NHSL1: variants seen among roughly 807,000 people sequenced by gnomAD.
NHSL1 encodes the protein NHS like 1.
NHSL1 carries 48 observed loss-of-function variants against 95.0 expected under a neutral mutation model. The ratio of observed to expected loss-of-function variants is 0.51; its 90% CI spans 0.40 to 0.64. NHSL1 has a LOEUF of 0.64. Ranked by LOEUF, NHSL1 falls within the 30% of genes least tolerant of loss-of-function variation. NHSL1 has a pLI of 0.00. For synonymous variants in NHSL1, 783 were observed against 833.9 expected (o/e 0.94, Z 1.05); for missense variants, 1,971 against 2,077.7 (o/e 0.95, Z 1.00).
At chr6:138,629,925 T>C (rs1784794838) in intron 1 of NHSL1, among the ~76,000 whole-genome samples, 3 of 152,224 alleles carry the variant, frequency 2.0e-5, no homozygotes, top group Admixed American at 1.3e-4. Flanking sequence ...TTTTTAGTAG[T>C]ACACAATTAC....
intron 1 of NHSL1, among the ~76,000 whole-genome samples, chr6:138,616,417 G>C (rs2114613694): frequency 6.6e-6 from 1 of 152,200 alleles, no homozygotes; most frequent in South Asian, 2.1e-4. Flanking sequence ...ATTTGTAGCA[G>C]GGGCAGTACA....
chr6:138,528,208 AT>A (rs1444028874), intron 1 of NHSL1, among the ~76,000 whole-genome samples: 2 of 152,190 alleles, frequency 1.3e-5, no homozygotes, highest in African/African-American at 4.8e-5. Flanking sequence ...TATTTCTTGT[AT>A]TACTTTTTAA....
chr6:138,489,865 AGAGAGAGGGAGAGAGG>A (rs1284929792), intron 2 of NHSL1, among the ~76,000 whole-genome samples: 2 of 71,662 alleles, frequency 2.8e-5, no homozygotes, highest in African/African-American at 2.0e-4. Flanking sequence ...AGAGAGAGAG[AGAGAGAGGGAGAGAGG>A]GAGAGAGGGA....
intron 1 of NHSL1, among the ~76,000 whole-genome samples, chr6:138,678,410 A>G (rs75023182): frequency 0.045 from 6,796 of 152,246 alleles, 514 homozygotes; most frequent in African/African-American, 0.15. Flanking sequence ...GATTCATAAT[A>G]GCATTGTCAC....
chr6:138,592,207 T>C (rs60780382), intron 1 of NHSL1, among the ~76,000 whole-genome samples: 4,313 of 152,232 alleles, frequency 0.028, 198 homozygotes, highest in African/African-American at 0.099. Flanking sequence ...TTCTAATAGG[T>C]CCCACACCCA....
intron 5 of NHSL1, among the ~76,000 whole-genome samples, chr6:138,440,220 C>T (rs1310104364): frequency 6.6e-6 from 1 of 152,166 alleles, no homozygotes; most frequent in Non-Finnish European, 1.5e-5. Context: ...GGAAATTACT[C>T]CATTAACTAT....
chr6:138,507,858 G>A (rs1425911993), intron 1 of NHSL1, among the ~76,000 whole-genome samples: 2 of 152,240 alleles, frequency 1.3e-5, no homozygotes, highest in East Asian at 1.9e-4. Context: ...ATCAATTATG[G>A]GGTTGGGGGA....
At chr6:138,483,997 T>C (rs1779576587) in intron 2 of NHSL1, among the ~76,000 whole-genome samples, 1 of 152,160 alleles carries the variant, frequency 6.6e-6, no homozygotes, top group Non-Finnish European at 1.5e-5. Flanking sequence ...TCCCATTAAA[T>C]GGGCCTCTTC....
At position 138,588,802 on chromosome 6, in the gene NHSL1, G is replaced by A. The variant is rs1007970208; in HGVS notation, c.97-92431C>T. 2.6e-5 allele frequency among the ~76,000 whole-genome samples: 4 copies of A among 152,208 alleles called. No individual in the cohort carries two copies. In the East Asian group the frequency reaches 5.8e-4, roughly 22 times the overall value. On this transcript the variant is annotated intron_variant, in intron 1 of 3. Transcript: ENST00000491526. Reference sequence around the variant, plus strand: ...TTAAGGGTAAATGGTTTGACTTAGAGCAGATGGCTCTATTAGAAATAAGAC... The same window carrying A: ...TTAAGGGTAAATGGTTTGACTTAGAACAGATGGCTCTATTAGAAATAAGAC...
At position 138,654,759 on chromosome 6, in the gene NHSL1, A is replaced by C. The variant is rs189300079; in HGVS notation, c.96+37717T>G. On this transcript the variant is annotated intron_variant, in intron 1 of 3. Transcript: ENST00000491526. ...CTGAAAAACAAAACAAAACAAAACA[A>C]AAAAAACACTATTCCATGTATACTG... Among the ~76,000 whole-genome samples, 10 of 152,300 alleles carry C rather than the reference A, an allele frequency of 6.6e-5. No individual in the cohort carries two copies. In the East Asian group the frequency reaches 1.9e-3, roughly 29 times the overall value.
At position 138,424,748 on chromosome 6, in the gene NHSL1, G is replaced by C. The variant is rs1339447872; in HGVS notation, c.4154C>G (p.Pro1385Arg). Residue 1385 changes from proline to arginine, a missense_variant, in exon 8 of 8, where the codon CCG (proline) becomes CGG (arginine). Coordinates refer to ENST00000343505, the MANE Select transcript of NHSL1 (RefSeq NM_001144060.2). This position sits in a 1 kb window ranked among gnomAD's most constrained non-coding sequence, Gnocchi z 5.9. ...GGCAGCGCCGGTGGGTGTCACGGGC[G>C]GGGAGGGAGAATGGTTTCGGGAGTG... ...DDHSRNHSPS[P>R]PVTPTGAAPS... 4 of 1,551,238 alleles carry C rather than the reference G, an allele frequency of 2.6e-6. No individual in the cohort carries two copies. Among genetic ancestry groups the C allele is most frequent in the Middle Eastern group, 1.7e-4 (1 of 6,002 alleles).
At chr6:138,605,383 G>C (rs1004208282) in intron 1 of NHSL1, among the ~76,000 whole-genome samples, 2 of 152,152 alleles carry the variant, frequency 1.3e-5, no homozygotes, top group Non-Finnish European at 2.9e-5. Flanking sequence ...GCGCCAACAG[G>C]CCTGGCTAAT....
At chr6:138,466,048 G>GGT (rs1011527658) in intron 3 of NHSL1, among the ~76,000 whole-genome samples, 2 of 139,346 alleles carry the variant, frequency 1.4e-5, no homozygotes, top group East Asian at 2.3e-4. Flanking sequence ...TTTTGGGGGG[G>GGT]GGGCAGGGGG....
At chr6:138,530,172 T>A (rs1187140848) in intron 1 of NHSL1, among the ~76,000 whole-genome samples, 2 of 152,110 alleles carry the variant, frequency 1.3e-5, no homozygotes, top group African/African-American at 4.8e-5. Context: ...GGAGACCCCA[T>A]GAATGGAATT....
chr6:138,558,180 T>C (rs1204605869), intron 1 of NHSL1, among the ~76,000 whole-genome samples: 2 of 152,084 alleles, frequency 1.3e-5, no homozygotes, highest in African/African-American at 4.8e-5. Context: ...TGGAGTGCAG[T>C]GGTGCGGACT....
intron 1 of NHSL1, among the ~76,000 whole-genome samples, chr6:138,557,475 T>G (rs1478912650): frequency 6.6e-6 from 1 of 151,964 alleles, no homozygotes; most frequent in Non-Finnish European, 1.5e-5. Flanking sequence ...CAGAGACAGG[T>G]GCAAGTACAC....
rs1775106290 is a variant in NHSL1 at position 138,424,275 on chromosome 6, C to T, written c.4627G>A (p.Ala1543Thr). 2 of 1,499,456 alleles carry T rather than the reference C, an allele frequency of 1.3e-6. No homozygotes were observed. The highest frequency in any genetic ancestry group is 1.8e-6 in the Non-Finnish European group (2 of 1,122,048). The allele number at this position is 1,499,456 out of a possible 1,614,324, so 92.9% of individuals were successfully genotyped here. Reference protein sequence around the residue: ...VEPVDSIARGALGAAEGCSLD... With the variant: ...VEPVDSIARGTLGAAEGCSLD... ...GAACATCCCTCCGCAGCGCCCAGAG[C>T]CCCGCGGGCTATGCTGTCCACAGGC... Residue 1543 changes from alanine to threonine, a missense_variant, in exon 8 of 8, where the codon GCT becomes ACT. Coordinates refer to ENST00000343505, the MANE Select transcript of NHSL1 (RefSeq NM_001144060.2). This position sits in a 1 kb window ranked among gnomAD's most constrained non-coding sequence, Gnocchi z 5.9.
chr6:138,547,631 C>T (rs9495122), upstream of NHSL1, among the ~76,000 whole-genome samples: 13,660 of 152,242 alleles, frequency 0.09, 2,013 homozygotes, highest in African/African-American at 0.31. Context: ...GATCCACCCG[C>T]CTCGGCCTCC....
Position 138,432,289 on chromosome 6 carries a change from T to G in NHSL1, c.2056A>C (p.Lys686Gln). Residue 686 changes from lysine (K) to glutamine (Q), a missense_variant, in exon 6 of 8, where the codon AAG (lysine) becomes CAG (glutamine). By Grantham distance (53) the Lys-to-Gln change is moderately conservative (BLOSUM62 1). Coordinates refer to ENST00000343505, the MANE Select transcript of NHSL1 (RefSeq NM_001144060.2). The surrounding 1 kb of genome is among the most constrained non-coding windows in gnomAD (Gnocchi z 4.4). ...TGCCCGTTGCACTGGCTGCTCTTCT[T>G]GGGAATCCTGCGGAGGGAGTCTGTC... is the stretch of plus-strand genomic sequence containing the variant. Reference protein sequence around the residue: ...SRTDSLRRIPKKSSQCNGQVL... With the variant: ...SRTDSLRRIPQKSSQCNGQVL... 1 of 1,551,334 alleles carries G rather than the reference T, an allele frequency of 6.4e-7. No individual in the cohort carries two copies. The highest frequency in any genetic ancestry group is 2.4e-5 in the East Asian group (1 of 40,908).
Sources: allele counts gnomAD v4.1 joint callset (sites outside exome capture counted in the v4.1 genomes callset), GRCh38; gene constraint gnomAD v4.1.1; non-coding constraint Gnocchi (gnomAD v3.1); transcripts MANE v1.5; gene names NCBI Gene and HGNC (gene_info 2026-07-23, HGNC 2026-07-21).